The following BTG3 variants were observed in gnomAD, a reference collection of about 807,000 sequenced individuals.
BTG3 encodes protein BTG3.
BTG3 carries 4 observed loss-of-function variants against 25.8 expected under a neutral mutation model. That is an observed-to-expected ratio of 0.16 (90% CI 0.08 to 0.36). The LOEUF is 0.36. BTG3 is among the 10% of genes least tolerant of loss of function. The pLI is 1.00. For synonymous variants in BTG3, 107 were observed against 99.9 expected (o/e 1.07, Z -0.42); for missense variants, 201 against 304.9 (o/e 0.66, Z 2.54).
rs922250701 is a variant in BTG3 at position 17,604,955 on chromosome 21, G to C, written c.216C>G (p.Val72=). The change falls in exon 3 of 5, where the codon GTC becomes GTG. Residue 72 remains valine, a synonymous_variant. Transcript: ENST00000348354. ...VNKFQRVDPD[V]LKACENSCIL... ...TGCAGCTGTTTTCACAGGCTTTCAG[G>C]ACATCAGGATCAACTCTCTGAAATT... 6.2e-7 allele frequency: 1 copy of C among 1,613,988 alleles called. No homozygotes were observed. The highest frequency in any genetic ancestry group is 1.3e-5 in the African/African-American group (1 of 74,904).
At chr21:17,594,926 T>C (rs943192473) in intron 4 of BTG3, among the ~76,000 whole-genome samples, 2 of 151,674 alleles carry the variant, frequency 1.3e-5, no homozygotes, top group African/African-American at 4.8e-5. Flanking sequence ...TGAAATAATA[T>C]GTACAACAAA....
chr21:17,601,062 C>G (rs1293507623), intron 3 of BTG3, among the ~76,000 whole-genome samples: 1 of 151,944 alleles, frequency 6.6e-6, no homozygotes, highest in Non-Finnish European at 1.5e-5. Context: ...ACTCGGGAGG[C>G]TGAGGCAGGA....
chr21:17,601,883 ATTTC>A (rs2061578691), intron 3 of BTG3, among the ~76,000 whole-genome samples: 1 of 152,208 alleles, frequency 6.6e-6, no homozygotes, highest in Admixed American at 6.5e-5. Context: ...ATTAACTCAG[ATTTC>A]TTTGACACCT....
intron 1 of BTG3, among the ~76,000 whole-genome samples, chr21:17,609,599 A>G (rs1173362511): frequency 2.6e-5 from 4 of 152,252 alleles, no homozygotes; most frequent in Non-Finnish European, 1.5e-5. Context: ...TTATAACAGA[A>G]AAGTTCGGCA....
intron 3 of BTG3, among the ~76,000 whole-genome samples, chr21:17,600,171 G>C (rs2061554697): frequency 6.6e-6 from 1 of 152,054 alleles, no homozygotes; most frequent in South Asian, 2.1e-4. Flanking sequence ...TAGGAAAATA[G>C]TGTAATAAAC....
chr21:17,598,595 A>G (rs766433380), intron 4 of BTG3, 22 bp downstream of exon 4: 1 of 1,605,846 alleles, frequency 6.2e-7, no homozygotes, highest in Admixed American at 1.7e-5. Flanking sequence ...TCCCTTTAAA[A>G]CTGAGCTGTT....
At position 17,594,039 on chromosome 21, in the gene BTG3, T is replaced by TA. The variant is rs2061470287; in HGVS notation, c.*53dup. On this transcript the variant is annotated 3_prime_UTR_variant, in exon 5 of 5. Coordinates refer to ENST00000348354, the MANE Select transcript of BTG3 (RefSeq NM_006806.5). Reference sequence around the variant, plus strand: ...AGAACTTTTAACTTTTAATGTGTAGTAAGGTTTATTCTACCTTTTTCTCAA... The same window carrying TA: ...AGAACTTTTAACTTTTAATGTGTAGTAAAGGTTTATTCTACCTTTTTCTCAA... 2 of 1,577,824 alleles carry TA rather than the reference T, an allele frequency of 1.3e-6. No individual in the cohort carries two copies. The highest frequency in any genetic ancestry group is 1.7e-6 in the Non-Finnish European group (2 of 1,162,234).
chr21:17,594,353 TAA>T, intron 4 of BTG3, 21 bp from the exon 5 acceptor site: 1 of 1,599,110 alleles, frequency 6.3e-7, no homozygotes, highest in Non-Finnish European at 8.5e-7. Flanking sequence ...GAGAACACAT[TAA>T]GTTAATTCAA....
intron 1 of BTG3, among the ~76,000 whole-genome samples, chr21:17,611,106 T>C (rs2061716099): frequency 6.6e-6 from 1 of 152,216 alleles, no homozygotes; most frequent in Non-Finnish European, 1.5e-5. Flanking sequence ...CCACCACGAC[T>C]GCTGTGCAGC....
chr21:17,608,334 C>G (rs2061672813), intron 2 of BTG3, among the ~76,000 whole-genome samples: 1 of 151,596 alleles, frequency 6.6e-6, no homozygotes, highest in African/African-American at 2.4e-5. Context: ...GGTTATACCA[C>G]TGCACTCTAG....
intron 2 of BTG3, among the ~76,000 whole-genome samples, chr21:17,608,145 C>A (rs1309510992): frequency 6.6e-6 from 1 of 152,088 alleles, no homozygotes; most frequent in African/African-American, 2.4e-5. Flanking sequence ...GGGAGAAGAT[C>A]GCGTGAGGCC....
intron 3 of BTG3, among the ~76,000 whole-genome samples, chr21:17,602,008 T>C (rs2061580478): frequency 1.3e-5 from 2 of 152,192 alleles, no homozygotes; most frequent in South Asian, 4.1e-4. Context: ...GCAGTCGATA[T>C]CTTAGGAGAA....
rs770143908 is a variant in BTG3, at chr21:17,604,214, G to A, written c.311+646C>T. ...ATCCAGCGCTTTGGGAGGCCAAGGC[G>A]GGCGGATCACGAGGTCAGGAGTTTG... On this transcript the variant is annotated intron_variant, in intron 3 of 4. Coordinates refer to ENST00000348354, the MANE Select transcript of BTG3 (RefSeq NM_006806.5). The A allele has an allele frequency of 1.1e-4, 92 of 870,996 alleles. No homozygotes were observed. Among genetic ancestry groups the A allele is most frequent in the Admixed American group, 6.5e-4 (18 of 27,616 alleles). 54.0% of individuals were successfully genotyped at this position (870,996 alleles called of 1,614,324 possible).
Position 17,604,851 on chromosome 21 carries a change from AGAACTCACC to A in BTG3, c.311_311+8del. 1 of 1,611,256 alleles carries A rather than the reference AGAACTCACC, an allele frequency of 6.2e-7. No individual in the cohort carries two copies. The highest frequency in any genetic ancestry group is 8.5e-7 in the Non-Finnish European group (1 of 1,178,872). The stretch of plus-strand genomic sequence containing the variant: ...GTCATCAGTTCAGCCTCTAAACTTG[AGAACTCACC>A]GACAGCACACCTCACATGGGTCCAC... On this transcript the variant is annotated splice_donor_variant and splice_donor_5th_base_variant and coding_sequence_variant and intron_variant, in exon 3 of 5. Coordinates refer to ENST00000348354, the MANE Select transcript of BTG3 (RefSeq NM_006806.5). LOFTEE classifies it high-confidence loss of function.
intron 2 of BTG3, among the ~76,000 whole-genome samples, chr21:17,606,224 A>G (rs1055969496): frequency 1.3e-5 from 2 of 152,128 alleles, no homozygotes; most frequent in African/African-American, 4.8e-5. Context: ...CAGCATAAAG[A>G]AAAAAGGAGG....
At position 17,606,417 on chromosome 21, in the gene BTG3, T is replaced by C. The variant is rs531311893; in HGVS notation, c.174-1420A>G. Among the ~76,000 whole-genome samples the C allele has an allele frequency of 2.6e-5, 4 of 152,264 alleles. No homozygotes were observed. The East Asian group carries it at 7.7e-4, about 29-fold the overall frequency. ...AAAGGCAAAGTGAGAAAAATTATTTTCTAGTATGTAAAATACTGCTTAGTC... is the reference window on the plus strand; with the variant it reads ...AAAGGCAAAGTGAGAAAAATTATTTCCTAGTATGTAAAATACTGCTTAGTC... On this transcript the variant is annotated intron_variant, in intron 2 of 4. Transcript: ENST00000348354.
chr21:17,595,389 T>C (rs897294070), intron 4 of BTG3, among the ~76,000 whole-genome samples: 7 of 152,010 alleles, frequency 4.6e-5, no homozygotes, highest in African/African-American at 1.7e-4. Flanking sequence ...GGAAAGTCCC[T>C]CTTTTTTTAT....
Position 17,611,475 on chromosome 21 carries a change from T to C in BTG3, c.-9+1224A>G, listed in dbSNP as rs149109915. On this transcript the variant is annotated intron_variant, in intron 1 of 4. Transcript: ENST00000348354. ...AACACAAGATGACTCATTTGGACTTTTGTTTTCCCCGTTTGAAGAAATGAT... is the reference window on the plus strand; with the variant it reads ...AACACAAGATGACTCATTTGGACTTCTGTTTTCCCCGTTTGAAGAAATGAT... Among the ~76,000 whole-genome samples, 15 of 152,306 alleles carry C rather than the reference T, an allele frequency of 9.8e-5. No homozygotes were observed. The East Asian group carries it at 2.3e-3, about 24-fold the overall frequency.
intron 3 of BTG3, among the ~76,000 whole-genome samples, chr21:17,601,599 A>G (rs901654346): frequency 6.6e-6 from 1 of 152,204 alleles, no homozygotes; most frequent in African/African-American, 2.4e-5. Context: ...TGTGTTCTCT[A>G]ATTTCAAGTT....
Sources: allele counts gnomAD v4.1 joint callset (sites outside exome capture counted in the v4.1 genomes callset), GRCh38; gene constraint gnomAD v4.1.1; transcripts MANE v1.5; gene names NCBI Gene and HGNC (gene_info 2026-07-23, HGNC 2026-07-21).